The following RNFT2 variants were observed in gnomAD, a reference collection of about 807,000 sequenced individuals.
The protein encoded by RNFT2 is ring finger protein, transmembrane 2.
In RNFT2, 36 loss-of-function variants were observed where a neutral mutation model predicts 53.0. That is an observed-to-expected ratio of 0.68 (90% CI 0.52 to 0.90). RNFT2 has a LOEUF of 0.90. Among genes scored for constraint, RNFT2 ranks in the 40% least tolerant of loss-of-function variants. RNFT2 has a pLI of 0.00. For missense variants in RNFT2, 514 were observed against 585.6 expected, an observed-to-expected ratio of 0.88 and a Z score of 1.26; for synonymous variants, 260 against 253.2, an observed-to-expected ratio of 1.03 and a Z score of -0.26.
At chr12:116,827,169 G>T (rs1429220206) in intron 7 of RNFT2, among the ~76,000 whole-genome samples, 1 of 148,906 alleles carries the variant, frequency 6.7e-6, no homozygotes. Flanking sequence ...GCAGTGAGCC[G>T]AGATCATGCC....
At chr12:116,803,425 C>T in intron 7 of RNFT2, among the ~76,000 whole-genome samples, 1 of 152,162 alleles carries the variant, frequency 6.6e-6, no homozygotes, top group East Asian at 1.9e-4. Context: ...GATCTCCACA[C>T]CTACCATTGA....
At chr12:116,821,787 TCTGA>T (rs1230873623) in intron 7 of RNFT2, among the ~76,000 whole-genome samples, 3 of 151,282 alleles carry the variant, frequency 2.0e-5, no homozygotes, top group African/African-American at 7.3e-5. Context: ...TCCTCCTTTT[TCTGA>T]CTACTTGTTT....
chr12:116,743,996 G>T (rs527353654), intron 3 of RNFT2, among the ~76,000 whole-genome samples: 1 of 152,124 alleles, frequency 6.6e-6, no homozygotes, highest in Non-Finnish European at 1.5e-5. Context: ...CGGGGGTAAG[G>T]CAGGCTGATC....
chr12:116,817,998 TAAAA>T (rs1326096010), intron 7 of RNFT2, among the ~76,000 whole-genome samples: 2 of 151,988 alleles, frequency 1.3e-5, no homozygotes, highest in African/African-American at 4.8e-5. Context: ...TAGAGACAAA[TAAAA>T]ACAATTCATG....
intron 5 of RNFT2, among the ~76,000 whole-genome samples, chr12:116,754,401 G>T (rs562956292): frequency 6.6e-6 from 1 of 152,132 alleles, no homozygotes; most frequent in East Asian, 1.9e-4. Context: ...GGGCATTTGG[G>T]TTGGTTCCAC....
Position 116,853,478 on chromosome 12 carries a change from C to T in RNFT2, c.*4030C>T, listed in dbSNP as rs900217159. 5 of 326,072 alleles carry T rather than the reference C, an allele frequency of 1.5e-5. No homozygotes were observed. Among genetic ancestry groups the T allele is most frequent in the Non-Finnish European group, 2.8e-5 (5 of 180,940 alleles). 20.2% of individuals were successfully genotyped at this position (326,072 alleles called of 1,614,324 possible). A position where few individuals can be genotyped will look rare whatever the true frequency, so the allele number is the denominator to read the frequency against. On this transcript the variant is annotated 3_prime_UTR_variant, in exon 11 of 11. Transcript: ENST00000257575. ...ATGTGCAGAGTGTTAGGAAGACATCCGGGCTGCTGAGACTCGGGATTAGAA... is the reference window on the plus strand; with the variant it reads ...ATGTGCAGAGTGTTAGGAAGACATCTGGGCTGCTGAGACTCGGGATTAGAA...
Position 116,743,721 on chromosome 12 carries a change from G to A in RNFT2, c.83+2627G>A, listed in dbSNP as rs180980403. Among the ~76,000 whole-genome samples, 82 of 152,210 alleles carry A rather than the reference G, an allele frequency of 5.4e-4. 1 individual carries two copies. Among genetic ancestry groups the A allele is most frequent in the Admixed American group, 3.2e-3 (49 of 15,286 alleles). On this transcript the variant is annotated intron_variant, in intron 3 of 10. Transcript: ENST00000257575. Reference sequence around the variant, plus strand: ...CTTCCTCACATCCCATACCCCCTGCGACTCTGGGGTTGGCTACAGAATCAC... The same window carrying A: ...CTTCCTCACATCCCATACCCCCTGCAACTCTGGGGTTGGCTACAGAATCAC...
At chr12:116,771,340 G>C (rs140257670) in intron 6 of RNFT2, among the ~76,000 whole-genome samples, 4 of 151,262 alleles carry the variant, frequency 2.6e-5, no homozygotes, top group Admixed American at 6.6e-5. Context: ...TGCACCTATA[G>C]TCCCCGCTAC....
rs74449334 is a variant in RNFT2, at chr12:116,821,540, G to A, written c.883-12252G>A. Among the ~76,000 whole-genome samples, 652 of 152,318 alleles carry A rather than the reference G, an allele frequency of 4.3e-3. 4 individuals carry two copies. The highest frequency in any genetic ancestry group is 0.013 in the African/African-American group (561 of 41,572). On this transcript the variant is annotated intron_variant, in intron 7 of 10. Coordinates refer to ENST00000257575, the MANE Select transcript of RNFT2 (RefSeq NM_001382266.1). ...TTGTTTTCAGTTCCTTGTCCTGGCC[G>A]CCCACTTGGGAGCAGGACTTGTGGC...
Position 116,849,658 on chromosome 12 carries a change from T to C in RNFT2, c.*210T>C. ...TGGTATAGTGCGTGCCTCCTTCCCC[T>C]GCAAAAGGGGACGTCTTCCTAACTC... On this transcript the variant is annotated 3_prime_UTR_variant, in exon 11 of 11. Coordinates refer to ENST00000257575, the MANE Select transcript of RNFT2 (RefSeq NM_001382266.1). 1.6e-6 allele frequency: 2 copies of C among 1,276,578 alleles called. No individual in the cohort carries two copies. Among genetic ancestry groups the C allele is most frequent in the Non-Finnish European group, 2.0e-6 (2 of 1,009,514 alleles). The allele number at this position is 1,276,578 out of a possible 1,614,324, so 79.1% of individuals were successfully genotyped here.
At chr12:116,791,781 A>C (rs1004669624) in intron 7 of RNFT2, among the ~76,000 whole-genome samples, 1 of 152,176 alleles carries the variant, frequency 6.6e-6, no homozygotes. Flanking sequence ...TTTTGTGGTA[A>C]ATACATAGGC....
intron 7 of RNFT2, among the ~76,000 whole-genome samples, chr12:116,809,014 C>T (rs1392628478): frequency 1.3e-5 from 2 of 152,228 alleles, no homozygotes; most frequent in Non-Finnish European, 2.9e-5. Flanking sequence ...AAGGCCCACC[C>T]TTCTGTGGTT....
At chr12:116,806,397 T>TAGATAG (rs61274161) in intron 7 of RNFT2, among the ~76,000 whole-genome samples, 30,437 of 131,374 alleles carry the variant, frequency 0.23, 4,118 homozygotes, top group Non-Finnish European at 0.3. Flanking sequence ...TATATATATA[T>TAGATAG]ATAGATAGAT....
At chr12:116,766,415 A>C in intron 5 of RNFT2, among the ~76,000 whole-genome samples, 1 of 152,186 alleles carries the variant, frequency 6.6e-6, no homozygotes. Flanking sequence ...TAATTCTTAC[A>C]ACTCTATAAG....
intron 7 of RNFT2, among the ~76,000 whole-genome samples, chr12:116,807,814 T>A (rs905933841): frequency 3.3e-5 from 5 of 152,074 alleles, no homozygotes; most frequent in Non-Finnish European, 5.9e-5. Flanking sequence ...AGTCTGTGTT[T>A]TTGTTTTGAG....
chr12:116,742,674 G>T (rs1490414234), intron 3 of RNFT2, among the ~76,000 whole-genome samples: 2 of 152,156 alleles, frequency 1.3e-5, no homozygotes, highest in African/African-American at 4.8e-5. Flanking sequence ...GCCATGCAGT[G>T]ACTCACGCCT....
rs1874989135 is a variant in RNFT2 at position 116,805,238 on chromosome 12, G to A, written c.882+25890G>A. Among the ~76,000 whole-genome samples, 12 of 149,098 alleles carry A rather than the reference G, an allele frequency of 8.0e-5. No homozygotes were observed. In the South Asian group the frequency reaches 2.6e-3, roughly 32 times the overall value. ...ACTTCTTGATGTTTGATTTTTCTTTGCCTAACAGAGGTAATAGCGGGCAGT... is the reference window on the plus strand; with the variant it reads ...ACTTCTTGATGTTTGATTTTTCTTTACCTAACAGAGGTAATAGCGGGCAGT... On this transcript the variant is annotated intron_variant, in intron 7 of 10. Transcript: ENST00000257575.
rs1431909083 is a variant in RNFT2, at chr12:116,801,868, C to T, written c.882+22520C>T. On this transcript the variant is annotated intron_variant, in intron 7 of 10. Transcript: ENST00000257575. ...ACAGAGTCTCACTCTGTTGCCCAGG[C>T]TGGAGTGCAGTGGTGCGATCTTGGC... Among the ~76,000 whole-genome samples the T allele has an allele frequency of 3.9e-5, 6 of 152,140 alleles. No individual in the cohort carries two copies. The East Asian group carries it at 1.2e-3, about 29-fold the overall frequency.
rs548412849 is a variant in RNFT2, at chr12:116,750,986, C to T, written c.550+679C>T. ...GCAGGTCTCAGCTCACTGCAACCTT[C>T]GCTTACTGCAACTTTTGCCTCCCAG... On this transcript the variant is annotated intron_variant, in intron 4 of 10. Transcript: ENST00000257575. Among the ~76,000 whole-genome samples, 71 of 148,560 alleles carry T rather than the reference C, an allele frequency of 4.8e-4. No individual in the cohort carries two copies. The South Asian group carries it at 0.015, about 30-fold the overall frequency.
Sources: allele counts gnomAD v4.1 joint callset (sites outside exome capture counted in the v4.1 genomes callset), GRCh38; gene constraint gnomAD v4.1.1; transcripts MANE v1.5; gene names NCBI Gene and HGNC (gene_info 2026-07-23, HGNC 2026-07-21).